PAK1: variants seen among roughly 807,000 people sequenced by gnomAD.
PAK1 encodes p21 (RAC1) activated kinase 1.
In PAK1, 29 loss-of-function variants were observed where a neutral mutation model predicts 67.4. The observed-to-expected ratio is 0.43, with a 90% CI of 0.32 to 0.59. The LOEUF (loss-of-function observed/expected upper bound fraction) is 0.59. Ranked by LOEUF, PAK1 falls within the 20% of genes least tolerant of loss-of-function variation. PAK1 has a pLI of 0.07. For missense variants in PAK1, 337 were observed against 670.7 expected (o/e 0.50, Z 5.50); for synonymous variants, 223 against 237.4 (o/e 0.94, Z 0.56).
the PAK1 span, among the ~76,000 whole-genome samples, chr11:77,523,611 G>T: frequency 7.2e-5 from 11 of 152,032 alleles, no homozygotes; most frequent in East Asian, 2.1e-3. Flanking sequence ...GTAGAGACGG[G>T]GTTTCACTAT....
At chr11:77,463,959 T>C (rs923076309) in intron 1 of PAK1, among the ~76,000 whole-genome samples, 1 of 152,250 alleles carries the variant, frequency 6.6e-6, no homozygotes, top group African/African-American at 2.4e-5. Context: ...ATTTTAAAGT[T>C]TGTAAAGAGG....
chr11:77,463,961 G>C (rs905854451), intron 1 of PAK1, among the ~76,000 whole-genome samples: 1 of 152,164 alleles, frequency 6.6e-6, no homozygotes, highest in Non-Finnish European at 1.5e-5. Flanking sequence ...TTTAAAGTTT[G>C]TAAAGAGGTG....
chr11:77,437,688 A>G (rs1164532001), intron 1 of PAK1, among the ~76,000 whole-genome samples: 2 of 152,112 alleles, frequency 1.3e-5, no homozygotes, highest in Non-Finnish European at 2.9e-5. Flanking sequence ...CTCCCCAAAG[A>G]CTTATGCGGT....
chr11:77,529,483 G>A, the PAK1 span, among the ~76,000 whole-genome samples: 18 of 152,328 alleles, frequency 1.2e-4, no homozygotes, highest in Admixed American at 2.6e-4. Flanking sequence ...AGAAAAAGAT[G>A]TTATTTTAGT....
upstream of PAK1, chr11:77,475,163 G>A (rs375083159): frequency 7.9e-5 from 12 of 152,030 alleles, no homozygotes; most frequent in African/African-American, 2.4e-4. Flanking sequence ...TCAATGAATG[G>A]GCCACCCATT....
chr11:77,353,388 A>C, intron 8 of PAK1, 148 bp downstream of exon 8: 1 of 599,054 alleles, frequency 1.7e-6, no homozygotes, highest in Middle Eastern at 2.6e-4. Flanking sequence ...ATCTCAAGTC[A>C]GTCTCACATA....
In PAK1 at chr11:77,340,705, T is replaced by C; in HGVS notation, c.1057A>G (p.Thr353Ala). 1 of 1,612,250 alleles carries C rather than the reference T, an allele frequency of 6.2e-7. No individual in the cohort carries two copies. The highest frequency in any genetic ancestry group is 8.5e-7 in the Non-Finnish European group (1 of 1,178,290). The change falls in exon 11 of 15, where the codon ACA becomes GCA. Residue 353 changes from threonine (T) to alanine (A), a missense_variant. Transcript: ENST00000356341. Reference sequence around the variant, plus strand: ...ATGCAAGTTTCTGTCACCACATCTGTCAAGGAGCCTCCAGCCAAGTATTCC... The same window carrying C: ...ATGCAAGTTTCTGTCACCACATCTGCCAAGGAGCCTCCAGCCAAGTATTCC... ...VMEYLAGGSL[T>A]DVVTETCMDE... is the part of the protein sequence containing the mutation.
the PAK1 span, among the ~76,000 whole-genome samples, chr11:77,521,419 C>T: frequency 1.3e-5 from 2 of 152,204 alleles, no homozygotes; most frequent in East Asian, 1.9e-4. Flanking sequence ...ATACCAGCTA[C>T]TCGGGAGGCT....
intron 1 of PAK1, among the ~76,000 whole-genome samples, chr11:77,430,369 C>T (rs1482847639): frequency 6.6e-6 from 1 of 152,162 alleles, no homozygotes; most frequent in Non-Finnish European, 1.5e-5. Flanking sequence ...GAGATAATGA[C>T]CTTGCTATTC....
intron 1 of PAK1, among the ~76,000 whole-genome samples, chr11:77,410,246 C>T (rs917487174): frequency 2.0e-5 from 3 of 152,162 alleles, no homozygotes; most frequent in Non-Finnish European, 2.9e-5. Flanking sequence ...ACTTGACATT[C>T]TTGCTCTCCT....
At chr11:77,375,683 A>C (rs1472831255) in intron 4 of PAK1, among the ~76,000 whole-genome samples, 1 of 152,232 alleles carries the variant, frequency 6.6e-6, no homozygotes, top group Non-Finnish European at 1.5e-5. Context: ...AATTTGAAAG[A>C]GAGACCCAAT....
intron 1 of PAK1, among the ~76,000 whole-genome samples, chr11:77,418,990 C>T (rs1331477923): frequency 2.0e-5 from 3 of 152,204 alleles, no homozygotes; most frequent in African/African-American, 7.2e-5. Flanking sequence ...GGATCAAATT[C>T]AGACATCTTC....
intron 1 of PAK1, among the ~76,000 whole-genome samples, chr11:77,465,825 C>A (rs1957571310): frequency 6.6e-6 from 1 of 152,110 alleles, no homozygotes; most frequent in Admixed American, 6.5e-5. Context: ...TAGCATGCCC[C>A]TGTGGTCCCA....
chr11:77,466,326 G>A (rs890985965), intron 1 of PAK1, among the ~76,000 whole-genome samples: 19 of 152,170 alleles, frequency 1.2e-4, no homozygotes, highest in Admixed American at 7.2e-4. Flanking sequence ...CTTCAAGGCC[G>A]GGCGAGGTGG....
intron 1 of PAK1, among the ~76,000 whole-genome samples, chr11:77,418,669 T>G (rs1030522569): frequency 1.3e-5 from 2 of 152,230 alleles, no homozygotes; most frequent in African/African-American, 4.8e-5. Context: ...ATTCCAAGCT[T>G]ACTCATCTAA....
the PAK1 span, among the ~76,000 whole-genome samples, chr11:77,481,881 G>C: frequency 1.3e-5 from 2 of 152,070 alleles, no homozygotes; most frequent in African/African-American, 2.4e-5. Flanking sequence ...TATCTCTAGA[G>C]CTTGGAACAG....
At chr11:77,387,175 C>T (rs1295898361) in intron 2 of PAK1, among the ~76,000 whole-genome samples, 2 of 151,116 alleles carry the variant, frequency 1.3e-5, no homozygotes, top group Non-Finnish European at 2.9e-5. Context: ...CAGATTCAAG[C>T]GATTCTCCTG....
chr11:77,522,965 C>T, the PAK1 span, among the ~76,000 whole-genome samples: 1 of 152,146 alleles, frequency 6.6e-6, no homozygotes, highest in South Asian at 2.1e-4. Context: ...CCAATTAATG[C>T]AGAATGGAAA....
intron 12 of PAK1, among the ~76,000 whole-genome samples, chr11:77,336,844 A>G (rs1414048664): frequency 6.6e-6 from 1 of 152,028 alleles, no homozygotes; most frequent in Non-Finnish European, 1.5e-5. Flanking sequence ...TGGTTTTTAC[A>G]TTATATTGCA....
Sources: gnomAD v4.1 joint callset for allele counts (sites outside exome capture counted in the v4.1 genomes callset) on GRCh38, gnomAD v4.1.1 for gene constraint, MANE v1.5 for transcripts, NCBI Gene and HGNC (gene_info 2026-07-23, HGNC 2026-07-21) for gene names.